The following ZFR2 variants were observed in gnomAD, a reference collection of about 807,000 sequenced individuals.
ZFR2 encodes the protein zinc finger RNA-binding protein 2.
Under a neutral mutation model 105.7 loss-of-function variants are expected in ZFR2, and 104 were observed. That is an observed-to-expected ratio of 0.98 (90% confidence interval 0.84 to 1.16). The LOEUF (loss-of-function observed/expected upper bound fraction) is 1.16. Ranked by LOEUF, ZFR2 falls within the 50% of genes most tolerant of loss-of-function variation. The pLI is 0.00. For synonymous variants in ZFR2, 634 were observed against 597.7 expected (o/e 1.06, Z -0.89); for missense variants, 1,425 against 1,355.5 (o/e 1.05, Z -0.80).
chr19:3,827,201 C>G (rs1160097743), intron 6 of ZFR2, among the ~76,000 whole-genome samples: 1 of 152,168 alleles, frequency 6.6e-6, no homozygotes, highest in Admixed American at 6.5e-5. Context: ...GAGATTGTGC[C>G]CCTGCATCCC....
chr19:3,860,055 G>T (rs1012645530), intron 1 of ZFR2, among the ~76,000 whole-genome samples: 1 of 152,082 alleles, frequency 6.6e-6, no homozygotes, highest in Admixed American at 6.6e-5. Flanking sequence ...TTTTGAGTCA[G>T]GGTCTTGCTC....
chr19:3,843,599 G>A (rs1163638067), intron 1 of ZFR2, among the ~76,000 whole-genome samples: 4 of 151,980 alleles, frequency 2.6e-5, no homozygotes, highest in African/African-American at 7.2e-5. Flanking sequence ...TTGGGAGGCC[G>A]AGGCAGGCAG....
In ZFR2 at chr19:3,858,437, A is replaced by G. The variant is rs1286164718; in HGVS notation, c.53+10528T>C. On this transcript the variant is annotated intron_variant, in intron 1 of 18. Transcript: ENST00000262961. This position sits in a 1 kb window ranked among gnomAD's most constrained non-coding sequence, Gnocchi z 4.3. Reference sequence around the variant, plus strand: ...GGAACACACACACACAAAACCCCCCAAAACATTTAGAGTCCAAGGAAAAAC... The same window carrying G: ...GGAACACACACACACAAAACCCCCCGAAACATTTAGAGTCCAAGGAAAAAC... Among the ~76,000 whole-genome samples, 1 of 152,230 alleles carries G rather than the reference A, an allele frequency of 6.6e-6. No individual in the cohort carries two copies. The highest frequency in any genetic ancestry group is 1.5e-5 in the Non-Finnish European group (1 of 68,038).
At position 3,819,030 on chromosome 19, in the gene ZFR2, G is replaced by A; in HGVS notation, c.1931+15C>T. On this transcript the variant is annotated intron_variant, in intron 12 of 18. Transcript: ENST00000262961. ...GGCTGAGAGCCGGGCCCTGGGGAAG[G>A]GGATCTCCAATGACCTGCGCTTGTC... The A allele has an allele frequency of 6.2e-7, 1 of 1,610,110 alleles. No individual in the cohort carries two copies. The highest frequency in any genetic ancestry group is 8.5e-7 in the Non-Finnish European group (1 of 1,179,110).
At chr19:3,809,444 C>T (rs1041136551) in intron 16 of ZFR2, among the ~76,000 whole-genome samples, 2 of 152,310 alleles carry the variant, frequency 1.3e-5, no homozygotes, top group Admixed American at 1.3e-4. Flanking sequence ...CCACGTCCCC[C>T]CTGTGGCCAG....
intron 11 of ZFR2, 34 bp from the exon 12 acceptor site, chr19:3,819,269 C>T (rs767695156): frequency 6.8e-7 from 1 of 1,470,562 alleles, no homozygotes; most frequent in East Asian, 2.4e-5. Context: ...CAAGGGTGGT[C>T]TGTGGGGACC....
At chr19:3,846,003 G>A (rs1471599427) in intron 1 of ZFR2, among the ~76,000 whole-genome samples, 1 of 152,190 alleles carries the variant, frequency 6.6e-6, no homozygotes, top group Non-Finnish European at 1.5e-5. Flanking sequence ...CTGAAACGGA[G>A]TCTTGCTCTG....
intron 6 of ZFR2, among the ~76,000 whole-genome samples, chr19:3,826,583 G>A (rs2037952809): frequency 6.6e-6 from 1 of 151,798 alleles, no homozygotes; most frequent in Admixed American, 6.6e-5. Context: ...TTACAGGCAC[G>A]CACCCACCAC....
At chr19:3,808,595 G>A (rs1212557878) in intron 17 of ZFR2, among the ~76,000 whole-genome samples, 1 of 152,244 alleles carries the variant, frequency 6.6e-6, no homozygotes, top group Non-Finnish European at 1.5e-5. Flanking sequence ...GCCGGTGGGC[G>A]TGGCCACCAG....
At chr19:3,820,549 G>A (rs1242105902) in intron 10 of ZFR2, among the ~76,000 whole-genome samples, 1 of 152,154 alleles carries the variant, frequency 6.6e-6, no homozygotes, top group Non-Finnish European at 1.5e-5. Flanking sequence ...GGAGGTCCTG[G>A]TTCCCTTCCC....
At chr19:3,842,268 C>T (rs578186239) in intron 1 of ZFR2, among the ~76,000 whole-genome samples, 3 of 152,260 alleles carry the variant, frequency 2.0e-5, no homozygotes, top group East Asian at 3.9e-4. Context: ...CCCGCCTCGG[C>T]TTCCCAAAGC....
At chr19:3,847,751 C>A (rs542558417) in intron 1 of ZFR2, among the ~76,000 whole-genome samples, 1 of 152,154 alleles carries the variant, frequency 6.6e-6, no homozygotes, top group Non-Finnish European at 1.5e-5. Flanking sequence ...TAAAGCAATG[C>A]TCCAAGGCTT....
At chr19:3,829,446 A>G (rs1376122639) in intron 5 of ZFR2, among the ~76,000 whole-genome samples, 2 of 151,814 alleles carry the variant, frequency 1.3e-5, no homozygotes, top group Admixed American at 1.3e-4. Context: ...GGGGGACTAT[A>G]GGTAGGTTTG....
intron 6 of ZFR2, among the ~76,000 whole-genome samples, chr19:3,826,475 G>A (rs1034185906): frequency 2.0e-5 from 3 of 150,528 alleles, no homozygotes; most frequent in Non-Finnish European, 3.0e-5. Flanking sequence ...TTGCTCTGTC[G>A]CCCAGGCTGG....
intron 1 of ZFR2, among the ~76,000 whole-genome samples, chr19:3,841,562 G>A (rs367755910): frequency 1.7e-4 from 26 of 152,174 alleles, no homozygotes; most frequent in African/African-American, 5.3e-4. Flanking sequence ...TGGAGCACCT[G>A]TAGTCCCAGC....
At chr19:3,817,088 C>T (rs1490379357) in intron 12 of ZFR2, among the ~76,000 whole-genome samples, 1 of 152,180 alleles carries the variant, frequency 6.6e-6, no homozygotes, top group African/African-American at 2.4e-5. Context: ...GGACGCGTGG[C>T]CAAACCCACA....
intron 1 of ZFR2, among the ~76,000 whole-genome samples, chr19:3,863,939 G>C (rs77458257): frequency 2.3e-3 from 352 of 152,282 alleles, no homozygotes; most frequent in Non-Finnish European, 2.9e-3. Context: ...GGCTCAGTCA[G>C]TATCAGGTGC....
intron 1 of ZFR2, among the ~76,000 whole-genome samples, chr19:3,836,132 ATAATACC>A (rs1175098113): frequency 6.6e-6 from 1 of 152,162 alleles, no homozygotes; most frequent in African/African-American, 2.4e-5. Flanking sequence ...TGGATTACTT[ATAATACC>A]TAATACAATG....
intron 13 of ZFR2, among the ~76,000 whole-genome samples, chr19:3,816,241 ATC>A (rs2037823335): frequency 8.8e-6 from 1 of 113,430 alleles, no homozygotes; most frequent in African/African-American, 3.7e-5. Context: ...TTCTTCTTGT[ATC>A]TTTTTTTTTT....
Sources: gnomAD v4.1 joint callset for allele counts (sites outside exome capture counted in the v4.1 genomes callset) on GRCh38, gnomAD v4.1.1 for gene constraint, Gnocchi (gnomAD v3.1) non-coding constraint, MANE v1.5 for transcripts, NCBI Gene and HGNC (gene_info 2026-07-23, HGNC 2026-07-21) for gene names.